Variants in CALN1 observed in about 807,000 individuals in gnomAD.
CALN1 encodes calcium-binding protein 8.
Under a neutral mutation model 30.6 loss-of-function variants are expected in CALN1, and 17 were observed. The ratio of observed to expected loss-of-function variants is 0.56; its 90% CI spans 0.38 to 0.83. The LOEUF is 0.83. Among genes scored for constraint, CALN1 ranks in the 40% least tolerant of loss-of-function variants. The probability of loss-of-function intolerance (pLI) is 0.00; values close to 1 mark genes in which losing one functional copy is unlikely to be tolerated. For missense variants in CALN1, 291 were observed against 354.9 expected (o/e 0.82, Z 1.45); for synonymous variants, 156 against 131.4 (o/e 1.19, Z -1.28).
Position 71,899,660 on chromosome 7 carries a change from C to T in CALN1, c.502-89168G>A, listed in dbSNP as rs547644117. ...TATTTTGGAATTAGAAAAAAAATCA[C>T]TCTAAAGTTCATATGAACAAATAAA... is the stretch of plus-strand genomic sequence containing the variant. On this transcript the variant is annotated intron_variant, in intron 5 of 6. Coordinates refer to ENST00000395275, the MANE Select transcript of CALN1 (RefSeq NM_031468.4). 7.2e-5 allele frequency among the ~76,000 whole-genome samples: 11 copies of T among 152,110 alleles called. No individual in the cohort carries two copies. The South Asian group carries it at 2.3e-3, about 32-fold the overall frequency.
chr7:72,376,025 G>C (rs1804534184), intron 2 of CALN1, among the ~76,000 whole-genome samples: 1 of 151,996 alleles, frequency 6.6e-6, no homozygotes, highest in African/African-American at 2.4e-5. Flanking sequence ...TCTGTGTCCA[G>C]TTTCTTTGCC....
chr7:72,418,625 G>A (rs528218543), intron 1 of CALN1, among the ~76,000 whole-genome samples: 37 of 150,322 alleles, frequency 2.5e-4, no homozygotes, highest in African/African-American at 8.1e-4. Context: ...TCCCCGCCCC[G>A]GCTCACATAG....
intron 4 of CALN1, among the ~76,000 whole-genome samples, chr7:72,044,897 G>A (rs1403084339): frequency 6.6e-6 from 1 of 152,162 alleles, no homozygotes; most frequent in Non-Finnish European, 1.5e-5. Flanking sequence ...TGGGATTAGA[G>A]GCGTGAGCCA....
chr7:72,234,666 G>A (rs983953551), intron 3 of CALN1, among the ~76,000 whole-genome samples: 11 of 152,042 alleles, frequency 7.2e-5, no homozygotes, highest in Non-Finnish European at 1.5e-5. Context: ...GGCTGGTCTC[G>A]AACTCCTGAC....
chr7:71,883,896 C>A (rs552969408), intron 5 of CALN1, among the ~76,000 whole-genome samples: 3 of 152,244 alleles, frequency 2.0e-5, no homozygotes, highest in Non-Finnish European at 2.9e-5. Context: ...TCCTGAGAAA[C>A]TGGATATATC....
At chr7:72,169,843 A>T (rs1262893802) in intron 3 of CALN1, among the ~76,000 whole-genome samples, 1 of 151,656 alleles carries the variant, frequency 6.6e-6, no homozygotes, top group Non-Finnish European at 1.5e-5. Context: ...GGTGCCCAGC[A>T]CCACACCCGG....
chr7:72,103,418 G>A lies in CALN1; in HGVS notation c.388+2733C>T, dbSNP rs147722124. 678 of 152,768 alleles carry A rather than the reference G, an allele frequency of 4.4e-3. 3 individuals carry two copies. Among genetic ancestry groups the A allele is most frequent in the African/African-American group, 0.016 (651 of 41,542 alleles). The allele number at this position is 152,768 out of a possible 1,614,324, so 9.5% of individuals were successfully genotyped here. On this transcript the variant is annotated intron_variant, in intron 4 of 6. Transcript: ENST00000395275. ...GAGCAGTCATGGCATATGAAGGGGC[G>A]TAGTACTTGCTTACTGAATTAAGAA... is the stretch of plus-strand genomic sequence containing the variant.
At chr7:71,852,892 C>T (rs1790731315) in intron 5 of CALN1, among the ~76,000 whole-genome samples, 1 of 152,104 alleles carries the variant, frequency 6.6e-6, no homozygotes, top group Non-Finnish European at 1.5e-5. Context: ...TTGAGCACAA[C>T]CTTTACAGGA....
chr7:72,311,900 T>A (rs762282618), intron 2 of CALN1, among the ~76,000 whole-genome samples: 1 of 151,674 alleles, frequency 6.6e-6, no homozygotes, highest in African/African-American at 2.4e-5. Flanking sequence ...CAAAGAAACA[T>A]GAAAGATCCA....
chr7:71,961,215 C>T (rs548721253), intron 5 of CALN1, among the ~76,000 whole-genome samples: 1 of 152,300 alleles, frequency 6.6e-6, no homozygotes, highest in East Asian at 1.9e-4. Flanking sequence ...TGAAAGATTA[C>T]TTCTCATTCA....
intron 2 of CALN1, among the ~76,000 whole-genome samples, chr7:72,398,527 C>G (rs1806124868): frequency 6.6e-6 from 1 of 152,216 alleles, no homozygotes; most frequent in Non-Finnish European, 1.5e-5. Flanking sequence ...TTGGATTGGG[C>G]TGAAGCCACA....
At chr7:72,403,112 C>T in intron 2 of CALN1, 139 bp downstream of exon 2, 1 of 614,126 alleles carries the variant, frequency 1.6e-6, no homozygotes. Context: ...CAGGACAGCT[C>T]TCCCAGGTGT....
chr7:71,834,104 C>G (rs1372975121), intron 5 of CALN1, among the ~76,000 whole-genome samples: 2 of 151,008 alleles, frequency 1.3e-5, no homozygotes, highest in East Asian at 3.9e-4. Flanking sequence ...TGCCTATAGT[C>G]CCAGCTACTC....
At chr7:72,217,381 C>T (rs996609538) in intron 3 of CALN1, among the ~76,000 whole-genome samples, 1 of 152,078 alleles carries the variant, frequency 6.6e-6, no homozygotes, top group Non-Finnish European at 1.5e-5. Context: ...TAACACCAGC[C>T]CCAAACATGA....
At chr7:72,179,168 T>C (rs958376771) in intron 3 of CALN1, among the ~76,000 whole-genome samples, 1 of 152,344 alleles carries the variant, frequency 6.6e-6, no homozygotes, top group East Asian at 1.9e-4. Flanking sequence ...ATTATGACTT[T>C]CAAGGGCATT....
chr7:72,026,321 C>T (rs557364660), intron 4 of CALN1, among the ~76,000 whole-genome samples: 2 of 152,198 alleles, frequency 1.3e-5, no homozygotes, highest in East Asian at 2.0e-4. Context: ...TGAGGTGGCT[C>T]ACACCTGTAA....
intron 3 of CALN1, among the ~76,000 whole-genome samples, chr7:72,176,212 G>A (rs927852254): frequency 4.6e-5 from 7 of 151,866 alleles, no homozygotes; most frequent in Admixed American, 6.5e-5. Flanking sequence ...GCTACTTTTC[G>A]TGTTTCCTTC....
chr7:71,928,755 G>T (rs1186139005), intron 5 of CALN1, among the ~76,000 whole-genome samples: 1 of 152,036 alleles, frequency 6.6e-6, no homozygotes, highest in Non-Finnish European at 1.5e-5. Context: ...TTCTAGGCCT[G>T]GCGCAGTGGC....
chr7:72,108,671 C>T (rs776873467), intron 3 of CALN1, among the ~76,000 whole-genome samples: 26 of 152,196 alleles, frequency 1.7e-4, no homozygotes, highest in Non-Finnish European at 3.1e-4. Flanking sequence ...ATCGTCTATA[C>T]ATTCCTTCCC....
Sources: allele counts gnomAD v4.1 joint callset (sites outside exome capture counted in the v4.1 genomes callset), GRCh38; gene constraint gnomAD v4.1.1; transcripts MANE v1.5; gene names NCBI Gene and HGNC (gene_info 2026-07-23, HGNC 2026-07-21).